The following MECOM variants were observed in gnomAD, a reference collection of about 807,000 sequenced individuals.
MECOM encodes the protein histone-lysine N-methyltransferase MECOM.
A neutral mutation model predicts 116.3 loss-of-function variants in MECOM; 13 were observed. The ratio of observed to expected loss-of-function variants is 0.11; its 90% CI spans 0.07 to 0.18. The LOEUF (loss-of-function observed/expected upper bound fraction) is 0.18, where lower values mean the gene tolerates loss of function less well. Among genes scored for constraint, MECOM ranks in the 10% least tolerant of loss-of-function variants. The pLI is 1.00. For missense variants in MECOM, 1,299 were observed against 1,509.0 expected, an observed-to-expected ratio of 0.86 and a Z score of 2.31; for synonymous variants, 528 against 535.2, an observed-to-expected ratio of 0.99 and a Z score of 0.19.
chr3:169,575,718 A>G (rs1296209658), intron 1 of MECOM, among the ~76,000 whole-genome samples: 1 of 152,148 alleles, frequency 6.6e-6, no homozygotes, highest in East Asian at 1.9e-4. Flanking sequence ...AACTGGTGGA[A>G]CTGCACGGAT....
intron 1 of MECOM, chr3:169,477,105 G>GTATATATA (rs1166256593): frequency 1.8e-3 from 107 of 59,418 alleles, no homozygotes; most frequent in Admixed American, 2.3e-3. Flanking sequence ...GTGTGTGTGT[G>GTATATATA]TATATATATA....
At chr3:169,343,862 A>G (rs1452159891) in intron 2 of MECOM, among the ~76,000 whole-genome samples, 1 of 152,202 alleles carries the variant, frequency 6.6e-6, no homozygotes, top group Non-Finnish European at 1.5e-5. Flanking sequence ...ATTTTGCAGT[A>G]CCATCCTTGA....
intron 2 of MECOM, among the ~76,000 whole-genome samples, chr3:169,322,359 T>A (rs950339587): frequency 6.6e-6 from 1 of 152,200 alleles, no homozygotes; most frequent in African/African-American, 2.4e-5. Flanking sequence ...CCAATTTTAT[T>A]TTATTCATTC....
chr3:169,173,233 AC>A (rs1414937076), intron 2 of MECOM, among the ~76,000 whole-genome samples: 1 of 151,870 alleles, frequency 6.6e-6, no homozygotes, highest in Non-Finnish European at 1.5e-5. Flanking sequence ...TTCATTTTCT[AC>A]TTCTCTGGAT....
Position 169,127,941 on chromosome 3 carries a change from C to G in MECOM, c.733G>C (p.Asp245His). The G allele has an allele frequency of 6.2e-7, 1 of 1,614,086 alleles. No individual in the cohort carries two copies. Among genetic ancestry groups the G allele is most frequent in the Non-Finnish European group, 8.5e-7 (1 of 1,179,948 alleles). Reference protein sequence around the residue: ...PHSAFSMVEEDFQQKLESEND... With the variant: ...PHSAFSMVEEHFQQKLESEND... ...TCGCTTTCGAGTTTTTGCTGAAAGT[C>G]CTCTTCAACCATTGAAAATGCTGAG... The change falls in exon 5 of 17, where the codon GAC (aspartate) becomes CAC (histidine). Residue 245 changes from aspartate (D) to histidine (H), a missense_variant. By Grantham distance (81) the Asp-to-His change is moderately conservative. Coordinates refer to ENST00000651503, the MANE Select transcript of MECOM (RefSeq NM_004991.4).
At chr3:169,466,205 A>C (rs1438859736) in intron 1 of MECOM, among the ~76,000 whole-genome samples, 1 of 152,160 alleles carries the variant, frequency 6.6e-6, no homozygotes, top group Admixed American at 6.5e-5. Flanking sequence ...CAAACACTGG[A>C]TATGCATATG....
At chr3:169,561,361 A>C (rs1020434798) in intron 1 of MECOM, among the ~76,000 whole-genome samples, 1 of 151,458 alleles carries the variant, frequency 6.6e-6, no homozygotes, top group African/African-American at 2.4e-5. Context: ...AAATAGATAA[A>C]TAAATCATGA....
intron 1 of MECOM, among the ~76,000 whole-genome samples, chr3:169,553,582 T>C (rs908160310): frequency 3.3e-5 from 5 of 152,246 alleles, no homozygotes; most frequent in Admixed American, 2.0e-4. Context: ...AGGTAGATTA[T>C]ATGTATTAGC....
intron 2 of MECOM, chr3:169,145,031 C>T: frequency 6.4e-7 from 1 of 1,555,676 alleles, no homozygotes; most frequent in Non-Finnish European, 8.7e-7. Flanking sequence ...GCTCCAAGGG[C>T]TTTAGTCAAG....
chr3:169,180,350 A>G (rs1357577213), intron 2 of MECOM, among the ~76,000 whole-genome samples: 2 of 152,166 alleles, frequency 1.3e-5, no homozygotes, highest in African/African-American at 4.8e-5. Context: ...ATATATAGAC[A>G]CACACAAATA....
chr3:169,368,450 A>T (rs1729542878), intron 2 of MECOM, among the ~76,000 whole-genome samples: 1 of 152,030 alleles, frequency 6.6e-6, no homozygotes, highest in Non-Finnish European at 1.5e-5. Flanking sequence ...TTATCATTCA[A>T]ATGGAAGAGT....
chr3:169,240,628 T>C (rs1234298425), intron 2 of MECOM, among the ~76,000 whole-genome samples: 2 of 152,090 alleles, frequency 1.3e-5, no homozygotes, highest in African/African-American at 2.4e-5. Context: ...TCTTAGGAAG[T>C]ATACAGTTTC....
Position 169,453,122 on chromosome 3 carries a change from A to G in MECOM, c.38-71598T>C, listed in dbSNP as rs537999926. ...TTGAAAGTCACAGAGAGCCCTCAATATACAGAGGTGGTTAATTAATTAACA... is the reference window on the plus strand; with the variant it reads ...TTGAAAGTCACAGAGAGCCCTCAATGTACAGAGGTGGTTAATTAATTAACA... On this transcript the variant is annotated intron_variant, in intron 1 of 16. Coordinates refer to ENST00000651503, the MANE Select transcript of MECOM (RefSeq NM_004991.4). 5.9e-5 allele frequency among the ~76,000 whole-genome samples: 9 copies of G among 152,362 alleles called. No individual in the cohort carries two copies. The South Asian group carries it at 1.9e-3, about 32-fold the overall frequency.
intron 10 of MECOM, among the ~76,000 whole-genome samples, chr3:169,106,270 G>T (rs1228487368): frequency 6.6e-6 from 1 of 152,082 alleles, no homozygotes; most frequent in Non-Finnish European, 1.5e-5. Flanking sequence ...ATCACATTCA[G>T]CAGTCATGAT....
chr3:169,213,513 A>G (rs1751050654), intron 2 of MECOM, among the ~76,000 whole-genome samples: 1 of 152,120 alleles, frequency 6.6e-6, no homozygotes. Context: ...TCCTATTAAA[A>G]AAGTGTTATG....
chr3:169,084,833 A>C lies in MECOM; in HGVS notation c.*76T>G, dbSNP rs1357536211. The C allele has an allele frequency of 6.5e-7, 1 of 1,543,558 alleles. No homozygotes were observed. The highest frequency in any genetic ancestry group is 8.9e-7 in the Non-Finnish European group (1 of 1,123,140). ...AGGTTTATAAGGCATTCTGCTCAGCAGTCTTGTAAATAGTCCTATATGAAA... is the reference window on the plus strand; with the variant it reads ...AGGTTTATAAGGCATTCTGCTCAGCCGTCTTGTAAATAGTCCTATATGAAA... On this transcript the variant is annotated 3_prime_UTR_variant, in exon 17 of 17. Coordinates refer to ENST00000651503, the MANE Select transcript of MECOM (RefSeq NM_004991.4).
At chr3:169,305,277 C>T (rs938169796) in intron 2 of MECOM, among the ~76,000 whole-genome samples, 1 of 152,090 alleles carries the variant, frequency 6.6e-6, no homozygotes, top group African/African-American at 2.4e-5. Flanking sequence ...TACTTGAGCT[C>T]ACTGAGTGCT....
chr3:169,171,784 A>G (rs1265978239), intron 2 of MECOM, among the ~76,000 whole-genome samples: 1 of 152,100 alleles, frequency 6.6e-6, no homozygotes, highest in Non-Finnish European at 1.5e-5. Context: ...ACTGGCCTAG[A>G]AGAGCAAACT....
Position 169,143,671 on chromosome 3 carries a change from A to G in MECOM, c.510+27T>C, listed in dbSNP as rs1738823811. On this transcript the variant is annotated intron_variant, in intron 3 of 16. Coordinates refer to ENST00000651503, the MANE Select transcript of MECOM (RefSeq NM_004991.4). Reference sequence around the variant, plus strand: ...CAGTGATACTTTTGTGCTCTCAAGGAAAGACAAGAAAATCTTTACAACATA... The same window carrying G: ...CAGTGATACTTTTGTGCTCTCAAGGGAAGACAAGAAAATCTTTACAACATA... 3.9e-6 allele frequency: 6 copies of G among 1,546,508 alleles called. No homozygotes were observed. The East Asian group carries it at 1.4e-4, about 37-fold the overall frequency.
Sources: allele counts gnomAD v4.1 joint callset (sites outside exome capture counted in the v4.1 genomes callset), GRCh38; gene constraint gnomAD v4.1.1; transcripts MANE v1.5; gene names NCBI Gene and HGNC (gene_info 2026-07-23, HGNC 2026-07-21).